RPF1: variants seen among roughly 807,000 people sequenced by gnomAD.
RPF1 encodes the protein ribosome production factor 1.
A neutral mutation model predicts 41.9 loss-of-function variants in RPF1; 34 were observed. The ratio of observed to expected loss-of-function variants is 0.81; its 90% confidence interval spans 0.62 to 1.08. RPF1 has a LOEUF of 1.08. Ranked by LOEUF, RPF1 falls within the 50% of genes least tolerant of loss-of-function variation. RPF1 has a pLI of 0.00. For missense variants in RPF1, 425 were observed against 435.2 expected (o/e 0.98, Z 0.21); for synonymous variants, 140 against 148.9 (o/e 0.94, Z 0.43).
In RPF1 at chr1:84,495,261, C is replaced by G. The variant is rs1207197544; in HGVS notation, c.617-112C>G. On this transcript the variant is annotated intron_variant, in intron 5 of 8. Transcript: ENST00000370654. ...ACTTCAGAGGAATATGTACATCTGC[C>G]TATTCACTTGGGTACAGATTTTAGG... The G allele has an allele frequency of 6.2e-6, 4 of 645,444 alleles. No individual in the cohort carries two copies. In the African/African-American group the frequency reaches 7.6e-5, roughly 12 times the overall value. The allele number at this position is 645,444 out of a possible 1,614,324, so 40.0% of individuals were successfully genotyped here.
chr1:84,496,468 G>A (rs1272705707), intron 8 of RPF1, 98 bp downstream of exon 8: 1 of 1,028,932 alleles, frequency 9.7e-7, no homozygotes, highest in African/African-American at 1.6e-5. Context: ...TGGATGCTGG[G>A]CTTAATACCT....
rs1270112935 is a variant in RPF1 at position 84,496,320 on chromosome 1, C to T, written c.958C>T (p.Gln320Ter). The change falls in exon 8 of 9, where the codon CAG (glutamine) becomes TAG (stop). Residue 320 changes from glutamine to a stop codon, truncating the protein, a stop_gained. Coordinates refer to ENST00000370654, the MANE Select transcript of RPF1 (RefSeq NM_025065.7). LOFTEE classifies it high-confidence loss of function. ...PRFTLKLRSL[Q>*]KGTFDSKYGE... ...TTTTACCTTAAAATTAAGGTCTCTT[C>T]AGAAAGGAACCTTTGATTCTAAATA... 2.5e-6 allele frequency: 4 copies of T among 1,612,352 alleles called. No homozygotes were observed. In the African/African-American group the frequency reaches 5.3e-5, roughly 22 times the overall value.
intron 1 of RPF1, 139 bp downstream of exon 1, chr1:84,479,648 CACGTG>C: frequency 1.3e-6 from 1 of 775,910 alleles, no homozygotes; most frequent in Non-Finnish European, 2.1e-6. Context: ...CGTCGCGGCC[CACGTG>C]TTCTGGTCCC....
chr1:84,497,527 A>G lies in RPF1; in HGVS notation c.*57A>G. On this transcript the variant is annotated 3_prime_UTR_variant, in exon 9 of 9. Coordinates refer to ENST00000370654, the MANE Select transcript of RPF1 (RefSeq NM_025065.7). ...AACAGGCCTATCTTGAACTTTGGTA[A>G]ATTATTTTTGACAGAATACTCTTTT... 3 of 1,317,010 alleles carry G rather than the reference A, an allele frequency of 2.3e-6. No homozygotes were observed. Among genetic ancestry groups the G allele is most frequent in the Non-Finnish European group, 3.2e-6 (3 of 940,782 alleles). 81.6% of individuals were successfully genotyped at this position (1,317,010 alleles called of 1,614,324 possible).
At chr1:84,488,831 A>G (rs1681780812) in intron 3 of RPF1, among the ~76,000 whole-genome samples, 1 of 152,132 alleles carries the variant, frequency 6.6e-6, no homozygotes, top group Admixed American at 6.5e-5. Context: ...CTCTTACTGC[A>G]TTAAACATCA....
At chr1:84,481,718 A>G (rs1681652544) in intron 2 of RPF1, among the ~76,000 whole-genome samples, 1 of 152,200 alleles carries the variant, frequency 6.6e-6, no homozygotes, top group Non-Finnish European at 1.5e-5. Context: ...ACATTATTGC[A>G]TAGCTAAGTT....
chr1:84,491,088 T>G (rs1406254273), intron 5 of RPF1, among the ~76,000 whole-genome samples: 1 of 152,174 alleles, frequency 6.6e-6, no homozygotes, highest in African/African-American at 2.4e-5. Context: ...CCATGTTATG[T>G]GTGTGTTCCA....
chr1:84,496,175 C>CT lies in RPF1; in HGVS notation c.882-65dup, dbSNP rs1259522516. On this transcript the variant is annotated intron_variant, in intron 7 of 8. Coordinates refer to ENST00000370654, the MANE Select transcript of RPF1 (RefSeq NM_025065.7). ...TATCATACAAGATAAAATGAATTAT[C>CT]TTTTGAACCCTGTCATAATGTTAAA... The CT allele has an allele frequency of 2.7e-6, 4 of 1,505,696 alleles. No homozygotes were observed. In the African/African-American group the frequency reaches 5.6e-5, roughly 21 times the overall value. The allele number at this position is 1,505,696 out of a possible 1,614,324, so 93.3% of individuals were successfully genotyped here.
At chr1:84,479,539 T>A in intron 1 of RPF1, 30 bp downstream of exon 1, 1 of 1,605,430 alleles carries the variant, frequency 6.2e-7, no homozygotes, top group Non-Finnish European at 8.5e-7. Flanking sequence ...TGCCGGGCGC[T>A]TGCGCGTTGT....
rs1215043214 is a variant in RPF1, at chr1:84,498,155, AAAG to A, written c.*688_*690del. Among the ~76,000 whole-genome samples, 1 of 152,190 alleles carries A rather than the reference AAAG, an allele frequency of 6.6e-6. No individual in the cohort carries two copies. Among genetic ancestry groups the A allele is most frequent in the Non-Finnish European group, 1.5e-5 (1 of 68,032 alleles). On this transcript the variant is annotated 3_prime_UTR_variant, in exon 9 of 9. Coordinates refer to ENST00000370654, the MANE Select transcript of RPF1 (RefSeq NM_025065.7). ...ACTTAACAGCCTCCTCCTGACCTTA[AAAG>A]AATAAAGGTTCACAGTTTACCTTTA...
intron 2 of RPF1, among the ~76,000 whole-genome samples, 198 bp from the exon 3 acceptor site, chr1:84,482,717 T>C: frequency 6.6e-6 from 1 of 150,500 alleles, no homozygotes; most frequent in East Asian, 1.9e-4. Context: ...TATGTGTGTG[T>C]CTCTGCCCAG....
intron 1 of RPF1, 103 bp from the exon 2 acceptor site, chr1:84,480,853 C>A: frequency 1.5e-6 from 1 of 646,012 alleles, no homozygotes; most frequent in South Asian, 2.0e-5. Flanking sequence ...CAAAGACCGC[C>A]CAGTTCGAGT....
intron 8 of RPF1, among the ~76,000 whole-genome samples, chr1:84,496,819 T>C (rs2101888617): frequency 6.6e-6 from 1 of 152,318 alleles, no homozygotes; most frequent in East Asian, 1.9e-4. Context: ...ATAAGTTTTC[T>C]TAGAAGTTTG....
intron 5 of RPF1, among the ~76,000 whole-genome samples, chr1:84,492,758 T>G (rs2101886725): frequency 6.6e-6 from 1 of 152,334 alleles, no homozygotes; most frequent in Non-Finnish European, 1.5e-5. Flanking sequence ...GCTACACTCT[T>G]GGCAGCTTCC....
chr1:84,483,253 G>A, intron 3 of RPF1: 1 of 433,450 alleles, frequency 2.3e-6, no homozygotes, highest in Non-Finnish European at 4.2e-6. Context: ...ATTTTGGAGG[G>A]TTTTGTTTTT....
At position 84,489,715 on chromosome 1, in the gene RPF1, A is replaced by T; in HGVS notation, c.449A>T (p.Asp150Val). Residue 150 changes from aspartate (D) to valine (V), a missense_variant, in exon 4 of 9, where the codon GAT becomes GTT. Asp to Val is a radical substitution (Grantham distance 152). Transcript: ENST00000370654. ...CCCAAGATTCTCATCACAACATCAG[A>T]TAGACCTCATGGGGTAAACACATTG... Reference protein sequence around the residue: ...TSPKILITTSDRPHGRTVRLC... With the variant: ...TSPKILITTSVRPHGRTVRLC... The T allele has an allele frequency of 6.3e-7, 1 of 1,576,958 alleles. No homozygotes were observed. The highest frequency in any genetic ancestry group is 1.3e-5 in the African/African-American group (1 of 74,296).
At chr1:84,479,819 G>T (rs1681610557) in intron 1 of RPF1, among the ~76,000 whole-genome samples, 1 of 152,212 alleles carries the variant, frequency 6.6e-6, no homozygotes, top group Non-Finnish European at 1.5e-5. Context: ...TGGCCCAGAA[G>T]GCAAAAGTCT....
intron 3 of RPF1, among the ~76,000 whole-genome samples, chr1:84,484,433 CA>C (rs753464309): frequency 0.023 from 3,242 of 138,392 alleles, 60 homozygotes; most frequent in African/African-American, 0.048. Flanking sequence ...TCCTTTTTAG[CA>C]AAAAAAAAAA....
intron 3 of RPF1, among the ~76,000 whole-genome samples, chr1:84,487,921 C>T (rs1020753980): frequency 1.3e-5 from 2 of 151,810 alleles, no homozygotes; most frequent in African/African-American, 2.4e-5. Flanking sequence ...TATATATAAC[C>T]AGTAGTTATA....
Sources: gnomAD v4.1 joint callset for allele counts (sites outside exome capture counted in the v4.1 genomes callset) on GRCh38, gnomAD v4.1.1 for gene constraint, MANE v1.5 for transcripts, NCBI Gene and HGNC (gene_info 2026-07-23, HGNC 2026-07-21) for gene names.